The following RPS6KC1 variants were observed in gnomAD, a reference collection of about 807,000 sequenced individuals.
The protein encoded by RPS6KC1 is ribosomal protein S6 kinase C1, also known as inactive ribosomal protein S6 kinase delta-1.
RPS6KC1 carries 54 observed loss-of-function variants against 103.8 expected under a neutral mutation model. That is an observed-to-expected ratio of 0.52 (90% CI 0.42 to 0.65). RPS6KC1 has a LOEUF of 0.65. Ranked by LOEUF, RPS6KC1 falls within the 30% of genes least tolerant of loss-of-function variation. The pLI is 0.00. For missense variants in RPS6KC1, 1,151 were observed against 1,253.8 expected (o/e 0.92, Z 1.24); for synonymous variants, 439 against 438.7 (o/e 1.00, Z -0.01).
chr1:213,267,862 A>C (rs903048162), intron 14 of RPS6KC1, among the ~76,000 whole-genome samples: 1 of 151,984 alleles, frequency 6.6e-6, no homozygotes, highest in South Asian at 2.1e-4. Flanking sequence ...ATGAACTTAA[A>C]TTAATAGAAA....
At chr1:213,364,129 A>C in the RPS6KC1 span, among the ~76,000 whole-genome samples, 1 of 152,162 alleles carries the variant, frequency 6.6e-6, no homozygotes. Flanking sequence ...TGTAGCACAA[A>C]AGTAACTACA....
At chr1:213,151,630 C>T (rs2088941103) in intron 6 of RPS6KC1, among the ~76,000 whole-genome samples, 4 of 88,520 alleles carry the variant, frequency 4.5e-5, no homozygotes, top group Admixed American at 1.7e-4. Context: ...CCAGACGGGG[C>T]GGCTGGCTGG....
chr1:213,700,600 T>G, the RPS6KC1 span, among the ~76,000 whole-genome samples: 1 of 152,072 alleles, frequency 6.6e-6, no homozygotes, highest in Non-Finnish European at 1.5e-5. Context: ...AGAATGTCAT[T>G]GGTATTTTGA....
the RPS6KC1 span, among the ~76,000 whole-genome samples, chr1:213,589,248 A>G: frequency 5.3e-4 from 80 of 152,316 alleles, no homozygotes; most frequent in African/African-American, 1.8e-3. Context: ...TAACTGCCAC[A>G]TGTAAGTTTT....
chr1:213,846,277 G>T, the RPS6KC1 span, among the ~76,000 whole-genome samples: 1 of 151,928 alleles, frequency 6.6e-6, no homozygotes, highest in Non-Finnish European at 1.5e-5. Context: ...TCCAGCCTGG[G>T]TGACAGAGCG....
rs140087187 is a variant in RPS6KC1 at position 213,185,099 on chromosome 1, T to C, written c.1044+8607T>C. On this transcript the variant is annotated intron_variant, in intron 8 of 14. Transcript: ENST00000366960. ...TGGCAGTTAGAGTCTGCTACTATTA[T>C]TGTATTGCAATCTGTCTTTTCTTTA... Among the ~76,000 whole-genome samples the C allele has an allele frequency of 2.6e-4, 40 of 152,356 alleles. 1 individual carries two copies. In the East Asian group the frequency reaches 6.2e-3, roughly 24 times the overall value.
chr1:213,544,441 A>C, the RPS6KC1 span, among the ~76,000 whole-genome samples: 1 of 152,220 alleles, frequency 6.6e-6, no homozygotes, highest in Admixed American at 6.5e-5. Flanking sequence ...ATGGCTAAGC[A>C]AAAATAAAAC....
chr1:213,219,754 C>G (rs1171650283), intron 8 of RPS6KC1, among the ~76,000 whole-genome samples: 1 of 149,354 alleles, frequency 6.7e-6, no homozygotes, highest in Non-Finnish European at 1.5e-5. Context: ...CAAACTATTG[C>G]AACGACAAAA....
intron 6 of RPS6KC1, among the ~76,000 whole-genome samples, chr1:213,161,444 C>T (rs1352708359): frequency 6.6e-6 from 1 of 152,076 alleles, no homozygotes; most frequent in Non-Finnish European, 1.5e-5. Flanking sequence ...CCTCAACCAC[C>T]TGAGTAACTG....
the RPS6KC1 span, among the ~76,000 whole-genome samples, chr1:213,298,606 G>GT: frequency 1.5e-4 from 22 of 151,150 alleles, no homozygotes; most frequent in East Asian, 3.9e-4. Flanking sequence ...TTTCTTTTCT[G>GT]TTTTTTTATC....
the RPS6KC1 span, among the ~76,000 whole-genome samples, chr1:213,337,738 T>G: frequency 6.6e-6 from 1 of 152,192 alleles, no homozygotes; most frequent in African/African-American, 2.4e-5. Context: ...CAGATATTTA[T>G]TGTCTGCTGT....
At chr1:213,547,690 A>G in the RPS6KC1 span, among the ~76,000 whole-genome samples, 4 of 152,264 alleles carry the variant, frequency 2.6e-5, 1 homozygote, top group South Asian at 8.3e-4. Flanking sequence ...TTCCCTCAAG[A>G]TCCAATTGTT....
the RPS6KC1 span, among the ~76,000 whole-genome samples, chr1:213,469,636 A>G: frequency 2.9e-3 from 440 of 152,306 alleles, 3 homozygotes; most frequent in Admixed American, 7.1e-3. Context: ...AAGCCCTGAC[A>G]TCATGTGAGT....
chr1:213,179,290 C>T (rs2092102922), intron 8 of RPS6KC1, among the ~76,000 whole-genome samples: 1 of 151,852 alleles, frequency 6.6e-6, no homozygotes, highest in East Asian at 2.0e-4. Flanking sequence ...CGGTGGGCGC[C>T]TGTAATCCCA....
chr1:213,442,804 C>T, the RPS6KC1 span, among the ~76,000 whole-genome samples: 14 of 152,202 alleles, frequency 9.2e-5, no homozygotes, highest in Non-Finnish European at 1.3e-4. Flanking sequence ...CCCCTGGGGA[C>T]GCTGTGTTCC....
At chr1:213,791,566 G>A in the RPS6KC1 span, among the ~76,000 whole-genome samples, 1 of 152,072 alleles carries the variant, frequency 6.6e-6, no homozygotes, top group Non-Finnish European at 1.5e-5. Context: ...GAAAATATAA[G>A]ACTGCAAAAG....
the RPS6KC1 span, among the ~76,000 whole-genome samples, chr1:213,428,431 T>G: frequency 2.8e-5 from 1 of 36,034 alleles, no homozygotes. Context: ...TCCTCTCCCC[T>G]CCCTCCCTCC....
chr1:213,144,390 C>T (rs1326705852), intron 6 of RPS6KC1, among the ~76,000 whole-genome samples: 1 of 152,036 alleles, frequency 6.6e-6, no homozygotes, highest in Non-Finnish European at 1.5e-5. Context: ...ATCCTCCCAC[C>T]TTAGCCTTCA....
chr1:213,627,329 A>T, the RPS6KC1 span, among the ~76,000 whole-genome samples: 1 of 152,144 alleles, frequency 6.6e-6, no homozygotes, highest in Non-Finnish European at 1.5e-5. Flanking sequence ...TGGGCTGAGA[A>T]AATGGGGTTT....
Sources: gnomAD v4.1 joint callset for allele counts (sites outside exome capture counted in the v4.1 genomes callset) on GRCh38, gnomAD v4.1.1 for gene constraint, MANE v1.5 for transcripts, NCBI Gene and HGNC (gene_info 2026-07-23, HGNC 2026-07-21) for gene names.